Variants in LYPLA1 observed in about 807,000 individuals in gnomAD.
The protein encoded by LYPLA1 is acyl-protein thioesterase 1.
LYPLA1 carries 17 observed loss-of-function variants against 34.0 expected under a neutral mutation model. That is an observed-to-expected ratio of 0.50 (90% CI 0.34 to 0.75). The LOEUF (loss-of-function observed/expected upper bound fraction) is 0.75. Among genes scored for constraint, LYPLA1 ranks in the 30% least tolerant of loss-of-function variants. LYPLA1 has a pLI of 0.01. For synonymous variants in LYPLA1, 98 were observed against 100.8 expected, an observed-to-expected ratio of 0.97 and a Z score of 0.17; for missense variants, 203 against 288.8, an observed-to-expected ratio of 0.70 and a Z score of 2.15.
intron 2 of LYPLA1, among the ~76,000 whole-genome samples, chr8:54,087,210 A>T (rs993204113): frequency 1.3e-5 from 2 of 152,248 alleles, no homozygotes; most frequent in Non-Finnish European, 2.9e-5. Flanking sequence ...TAAAAAACTT[A>T]TCAAAAAGGT....
rs141322338 is a variant in LYPLA1 at position 54,089,295 on chromosome 8, G to A, written c.101+11613C>T. On this transcript the variant is annotated intron_variant, in intron 2 of 8. Coordinates refer to ENST00000316963, the MANE Select transcript of LYPLA1 (RefSeq NM_006330.4). ...CAGTTACCACCATCAAAAAATAGGTGAGTACAGAACAAGAATATATTTTGA... is the reference window on the plus strand; with the variant it reads ...CAGTTACCACCATCAAAAAATAGGTAAGTACAGAACAAGAATATATTTTGA... Among the ~76,000 whole-genome samples the A allele has an allele frequency of 3.7e-3, 562 of 151,230 alleles. 3 individuals are homozygous for A. Among genetic ancestry groups the A allele is most frequent in the African/African-American group, 0.013 (544 of 41,486 alleles).
At chr8:54,086,629 A>G (rs1187278945) in intron 2 of LYPLA1, among the ~76,000 whole-genome samples, 1 of 151,440 alleles carries the variant, frequency 6.6e-6, no homozygotes, top group African/African-American at 2.4e-5. Context: ...TTAAGAGCCC[A>G]AAGTGGGGGG....
Position 54,101,849 on chromosome 8 carries a change from CGGAA to C in LYPLA1, c.-30_-27del. The C allele has an allele frequency of 1.6e-6, 2 of 1,239,950 alleles. No individual in the cohort carries two copies. 76.8% of individuals were successfully genotyped at this position (1,239,950 alleles called of 1,614,324 possible). On this transcript the variant is annotated 5_prime_UTR_variant, in exon 1 of 9. Coordinates refer to ENST00000316963, the MANE Select transcript of LYPLA1 (RefSeq NM_006330.4). Reference sequence around the variant, plus strand: ...ACACCGCCTCAGCTCACAGCGCAAGCGGAAGGAAGAGCGGGCGCCCGGCCGCGGC... The same window carrying C: ...ACACCGCCTCAGCTCACAGCGCAAGCGGAAGAGCGGGCGCCCGGCCGCGGC...
At chr8:54,087,360 T>C (rs1357446083) in intron 2 of LYPLA1, among the ~76,000 whole-genome samples, 2 of 152,176 alleles carry the variant, frequency 1.3e-5, no homozygotes, top group Non-Finnish European at 2.9e-5. Flanking sequence ...GGGCAGGGCA[T>C]GGCAGGGCAT....
intron 4 of LYPLA1, 89 bp downstream of exon 4, chr8:54,063,239 T>C: frequency 1.2e-6 from 1 of 814,786 alleles, no homozygotes; most frequent in South Asian, 1.9e-5. Context: ...AAAAAACAGC[T>C]AAATAAAAAC....
At chr8:54,076,650 T>C (rs996329034) in intron 2 of LYPLA1, among the ~76,000 whole-genome samples, 1 of 152,146 alleles carries the variant, frequency 6.6e-6, no homozygotes, top group Non-Finnish European at 1.5e-5. Context: ...TTTACCGGAA[T>C]GAGGGCAAGG....
At chr8:54,053,950 G>T (rs1187303376) in intron 6 of LYPLA1, among the ~76,000 whole-genome samples, 1 of 152,096 alleles carries the variant, frequency 6.6e-6, no homozygotes, top group Non-Finnish European at 1.5e-5. Context: ...CAAATATACA[G>T]ACTCCCACAT....
At chr8:54,044,399 T>G (rs562712965), downstream of LYPLA1, among the ~76,000 whole-genome samples, 12 of 152,260 alleles carry the variant, frequency 7.9e-5, 1 homozygote, top group East Asian at 1.7e-3. Context: ...TCCAGGGAGA[T>G]TCTTGACGTT....
chr8:54,073,571 C>T lies in LYPLA1; in HGVS notation c.102-7758G>A, dbSNP rs139773758. ...TTTTCTATACAAAGTTACTATTAATCGACACTGACCTATTTACAGAAGTAT... is the reference window on the plus strand; with the variant it reads ...TTTTCTATACAAAGTTACTATTAATTGACACTGACCTATTTACAGAAGTAT... On this transcript the variant is annotated intron_variant, in intron 2 of 8. Transcript: ENST00000316963. 795 of 592,492 alleles carry T rather than the reference C, an allele frequency of 1.3e-3. 5 individuals carry two copies. The highest frequency in any genetic ancestry group is 0.013 in the African/African-American group (715 of 53,682). The allele number at this position is 592,492 out of a possible 1,614,324, so 36.7% of individuals were successfully genotyped here. A position where few individuals can be genotyped will look rare whatever the true frequency, so the allele number is the denominator to read the frequency against.
chr8:54,074,153 A>G (rs1807707965), intron 2 of LYPLA1, among the ~76,000 whole-genome samples: 1 of 152,202 alleles, frequency 6.6e-6, no homozygotes, highest in Admixed American at 6.5e-5. Flanking sequence ...GGGAGCCTGT[A>G]GTCCCAGCTA....
At chr8:54,066,523 G>T (rs180717847) in intron 2 of LYPLA1, among the ~76,000 whole-genome samples, 2 of 152,192 alleles carry the variant, frequency 1.3e-5, no homozygotes, top group Admixed American at 1.3e-4. Context: ...GCTCACGCCT[G>T]TAATCCTAGC....
chr8:54,049,279 C>G (rs866608214), intron 8 of LYPLA1, among the ~76,000 whole-genome samples: 2 of 152,374 alleles, frequency 1.3e-5, no homozygotes, highest in Middle Eastern at 3.4e-3. Flanking sequence ...CAGACCTATC[C>G]AGGCCTCCGG....
At chr8:54,071,150 A>T (rs1807433644) in intron 2 of LYPLA1, among the ~76,000 whole-genome samples, 1 of 152,196 alleles carries the variant, frequency 6.6e-6, no homozygotes, top group South Asian at 2.1e-4. Context: ...TATATGCTTT[A>T]AAACTGCAAA....
chr8:54,082,466 T>C (rs1280220724), intron 2 of LYPLA1, among the ~76,000 whole-genome samples: 1 of 152,300 alleles, frequency 6.6e-6, no homozygotes, highest in Non-Finnish European at 1.5e-5. Context: ...GAGACTATAT[T>C]GTATCTACAG....
At chr8:54,092,061 G>A (rs1434704512) in intron 2 of LYPLA1, among the ~76,000 whole-genome samples, 1 of 151,880 alleles carries the variant, frequency 6.6e-6, no homozygotes, top group Non-Finnish European at 1.5e-5. Context: ...CAGAGTGAGA[G>A]ACCCTGTCGA....
At chr8:54,050,025 T>G (rs1805742290) in intron 8 of LYPLA1, among the ~76,000 whole-genome samples, 1 of 152,220 alleles carries the variant, frequency 6.6e-6, no homozygotes, top group African/African-American at 2.4e-5. Flanking sequence ...TAGGCTAAAC[T>G]GTAATGTGTC....
intron 4 of LYPLA1, among the ~76,000 whole-genome samples, 165 bp downstream of exon 4, chr8:54,063,163 T>G (rs901346040): frequency 6.6e-6 from 1 of 152,212 alleles, no homozygotes; most frequent in African/African-American, 2.4e-5. Flanking sequence ...TACAGCTCCT[T>G]AAGTTTACCC....
chr8:54,063,498 T>A, intron 3 of LYPLA1, 123 bp from the exon 4 acceptor site: 1 of 685,000 alleles, frequency 1.5e-6, no homozygotes, highest in South Asian at 1.8e-5. Flanking sequence ...AGTTTTAACA[T>A]ATGAACTGTT....
rs1278570511 is a variant in LYPLA1, at chr8:54,084,978, CCCTCTCCCT to C, written c.101+15921_101+15929del. Among the ~76,000 whole-genome samples the C allele has an allele frequency of 7.4e-5, 11 of 148,488 alleles. 1 individual carries two copies. The East Asian group carries it at 1.6e-3, about 21-fold the overall frequency. ...GTTTAAAGAATCCTCCTCTCCCTCTCCCTCTCCCTCCTCTCCCTCCTCTTCCTCTCCCTC... is the reference window on the plus strand; with the variant it reads ...GTTTAAAGAATCCTCCTCTCCCTCTCCCTCTCCCTCCTCTTCCTCTCCCTC... On this transcript the variant is annotated intron_variant, in intron 2 of 8. Coordinates refer to ENST00000316963, the MANE Select transcript of LYPLA1 (RefSeq NM_006330.4).
Sources: allele counts gnomAD v4.1 joint callset (sites outside exome capture counted in the v4.1 genomes callset), GRCh38; gene constraint gnomAD v4.1.1; transcripts MANE v1.5; gene names NCBI Gene and HGNC (gene_info 2026-07-23, HGNC 2026-07-21).